Variants in PTPRN2 observed in about 807,000 individuals in gnomAD.
PTPRN2 encodes the protein receptor-type tyrosine-protein phosphatase N2.
In PTPRN2, 74 loss-of-function variants were observed where a neutral mutation model predicts 118.8. The observed-to-expected ratio is 0.62, with a 90% CI of 0.52 to 0.76. The LOEUF (loss-of-function observed/expected upper bound fraction) is 0.76, where lower values mean the gene tolerates loss of function less well. Ranked by LOEUF, PTPRN2 falls within the 30% of genes least tolerant of loss-of-function variation. PTPRN2 has a pLI of 0.00. For missense variants in PTPRN2, 1,481 were observed against 1,394.4 expected (o/e 1.06, Z -0.99); for synonymous variants, 641 against 608.0 (o/e 1.05, Z -0.80).
At chr7:158,199,912 C>G (rs1411590020) in intron 4 of PTPRN2, among the ~76,000 whole-genome samples, 2 of 152,268 alleles carry the variant, frequency 1.3e-5, no homozygotes, top group East Asian at 3.9e-4. Context: ...AGAACATGAT[C>G]CCTTTAATGA....
intron 20 of PTPRN2, 137 bp from the exon 21 acceptor site, chr7:157,569,103 G>A (rs1799635549): frequency 1.2e-6 from 1 of 834,538 alleles, no homozygotes; most frequent in Non-Finnish European, 2.0e-6. Context: ...GAGAGGGGGA[G>A]GAAGGACGCG....
chr7:157,724,902 G>A (rs1446269014), intron 12 of PTPRN2, among the ~76,000 whole-genome samples: 2 of 152,150 alleles, frequency 1.3e-5, no homozygotes, highest in African/African-American at 4.8e-5. Context: ...AAATTAAAAG[G>A]CATGCATTAC....
intron 12 of PTPRN2, among the ~76,000 whole-genome samples, chr7:157,789,729 C>CTGTGGGGTACATGTGTGGTGTG (rs1434205739): frequency 7.8e-6 from 1 of 127,472 alleles, no homozygotes; most frequent in Non-Finnish European, 1.7e-5. Flanking sequence ...GTGTGTGTGT[C>CTGTGGGGTACATGTGTGGTGTG]TGTGGGGTAC....
At chr7:158,092,660 G>A (rs1330707770) in intron 10 of PTPRN2, among the ~76,000 whole-genome samples, 1 of 152,054 alleles carries the variant, frequency 6.6e-6, no homozygotes, top group African/African-American at 2.4e-5. Flanking sequence ...GAAACACAGT[G>A]CTAATAAAGG....
intron 9 of PTPRN2, among the ~76,000 whole-genome samples, chr7:158,116,684 C>T (rs1298135940): frequency 1.3e-5 from 2 of 152,230 alleles, no homozygotes; most frequent in African/African-American, 4.8e-5. Flanking sequence ...TTGCTCCTCC[C>T]CCTCTGGCCA....
At chr7:158,374,795 G>A (rs761441806) in intron 2 of PTPRN2, among the ~76,000 whole-genome samples, 56 of 152,182 alleles carry the variant, frequency 3.7e-4, no homozygotes, top group Non-Finnish European at 6.6e-4. Context: ...TTTCCGGGGC[G>A]GGGATGTGGT....
intron 11 of PTPRN2, among the ~76,000 whole-genome samples, chr7:158,046,966 C>T (rs994183016): frequency 2.6e-5 from 4 of 152,224 alleles, no homozygotes; most frequent in Non-Finnish European, 5.9e-5. Flanking sequence ...AGGATCAGTA[C>T]AGGGGCAGGC....
chr7:158,152,410 C>T (rs1406718468), intron 6 of PTPRN2, among the ~76,000 whole-genome samples: 2 of 152,192 alleles, frequency 1.3e-5, no homozygotes, highest in East Asian at 1.9e-4. Flanking sequence ...GCACTAAGGC[C>T]GTGGGCAGAA....
intron 2 of PTPRN2, among the ~76,000 whole-genome samples, chr7:158,347,494 T>G (rs1807598697): frequency 6.6e-6 from 1 of 152,254 alleles, no homozygotes; most frequent in Non-Finnish European, 1.5e-5. Context: ...CACGTTGTTT[T>G]GGTTATTATA....
chr7:157,540,428 C>T lies in PTPRN2; in HGVS notation c.*286G>A. On this transcript the variant is annotated 3_prime_UTR_variant, in exon 23 of 23. Transcript: ENST00000389418. ...TACTGCATTGTTAACACAACTTCAA[C>T]CAAGAAGGTGAACGGGTGCTTTAAG... 2 of 296,924 alleles carry T rather than the reference C, an allele frequency of 6.7e-6. No individual in the cohort carries two copies. Among genetic ancestry groups the T allele is most frequent in the South Asian group, 1.1e-4 (2 of 18,274 alleles). The allele number at this position is 296,924 out of a possible 1,614,324, so 18.4% of individuals were successfully genotyped here. A position where few individuals can be genotyped will look rare whatever the true frequency, so the allele number is the denominator to read the frequency against.
At chr7:158,326,725 T>C (rs1249782771) in intron 2 of PTPRN2, among the ~76,000 whole-genome samples, 1 of 146,508 alleles carries the variant, frequency 6.8e-6, no homozygotes, top group African/African-American at 2.6e-5. Flanking sequence ...CTCACATGCA[T>C]ACATTCTCAC....
At chr7:157,707,379 G>T (rs1798387345) in intron 12 of PTPRN2, among the ~76,000 whole-genome samples, 1 of 152,016 alleles carries the variant, frequency 6.6e-6, no homozygotes, top group South Asian at 2.1e-4. Context: ...ACACGTGCAT[G>T]GACACCCCCC....
intron 12 of PTPRN2, among the ~76,000 whole-genome samples, chr7:157,772,644 C>G (rs1345225031): frequency 6.6e-6 from 1 of 152,240 alleles, no homozygotes; most frequent in Non-Finnish European, 1.5e-5. Flanking sequence ...TCAGGTGGAG[C>G]TGGCACCCAG....
chr7:158,297,981 T>G (rs188140351), intron 3 of PTPRN2, among the ~76,000 whole-genome samples: 1 of 152,088 alleles, frequency 6.6e-6, no homozygotes, highest in East Asian at 1.9e-4. Context: ...ACTTACAGGT[T>G]TTTTTTCTAA....
intron 3 of PTPRN2, among the ~76,000 whole-genome samples, chr7:158,296,900 G>T (rs1800540231): frequency 6.6e-6 from 1 of 152,228 alleles, no homozygotes; most frequent in Admixed American, 6.5e-5. Context: ...ACCATGGGAA[G>T]ACCACAGGTG....
chr7:157,636,792 C>G (rs1804347115), intron 14 of PTPRN2, among the ~76,000 whole-genome samples: 1 of 152,176 alleles, frequency 6.6e-6, no homozygotes, highest in Non-Finnish European at 1.5e-5. Flanking sequence ...TAAACTCCCC[C>G]AATTCTTTTC....
At chr7:158,507,986 C>T (rs536272008) in intron 1 of PTPRN2, among the ~76,000 whole-genome samples, 2 of 150,458 alleles carry the variant, frequency 1.3e-5, no homozygotes, top group Non-Finnish European at 3.0e-5. Flanking sequence ...GGAACAGCCC[C>T]GTGCTAGGCA....
At chr7:157,565,860 G>A (rs1337535733) in intron 21 of PTPRN2, among the ~76,000 whole-genome samples, 33 of 152,118 alleles carry the variant, frequency 2.2e-4, no homozygotes, top group Non-Finnish European at 4.9e-4. Flanking sequence ...GTCTATTATC[G>A]GTGAGTTAGA....
At chr7:157,823,182 A>G (rs568112820) in intron 12 of PTPRN2, among the ~76,000 whole-genome samples, 62 of 152,314 alleles carry the variant, frequency 4.1e-4, no homozygotes, top group African/African-American at 1.4e-3. Context: ...TCTATTGAGG[A>G]CCCATATTGT....
Sources: allele counts gnomAD v4.1 joint callset (sites outside exome capture counted in the v4.1 genomes callset), GRCh38; gene constraint gnomAD v4.1.1; transcripts MANE v1.5; gene names NCBI Gene and HGNC (gene_info 2026-07-23, HGNC 2026-07-21).